The following ZNF236 variants were observed in gnomAD, a reference collection of about 807,000 sequenced individuals.
ZNF236 encodes the protein zinc finger protein 236.
A neutral mutation model predicts 191.2 loss-of-function variants in ZNF236; 50 were observed. The observed-to-expected ratio is 0.26, with a 90% confidence interval of 0.21 to 0.33. ZNF236 has a LOEUF of 0.33. ZNF236 is among the 10% of genes least tolerant of loss of function. The pLI is 1.00. For synonymous variants in ZNF236, 907 were observed against 928.8 expected, an observed-to-expected ratio of 0.98 and a Z score of 0.43; for missense variants, 1,754 against 2,374.5, an observed-to-expected ratio of 0.74 and a Z score of 5.43.
At position 76,960,792 on chromosome 18, in the gene ZNF236, G is replaced by A. The variant is rs528288012; in HGVS notation, c.5356G>A (p.Val1786Ile). The A allele has an allele frequency of 9.9e-6, 16 of 1,614,158 alleles. 1 individual carries two copies. The Middle Eastern group carries it at 5.0e-4, about 50-fold the overall frequency. Residue 1786 changes from valine to isoleucine, a missense_variant, in exon 30 of 31, where the codon GTC (valine) becomes ATC (isoleucine). Val to Ile is a conservative substitution (Grantham distance 29). Coordinates refer to ENST00000320610, the MANE Select transcript of ZNF236 (RefSeq NM_001306089.2). This position sits in a 1 kb window ranked among gnomAD's most constrained non-coding sequence, Gnocchi z 4.4. ...GERPYKCAYC[V>I]MGFTQKSNMK... ...GCGGCCCTACAAGTGTGCCTACTGC[G>A]TCATGGGCTTCACGCAGAAGAGCAA... is the stretch of plus-strand genomic sequence containing the variant.
Position 76,895,098 on chromosome 18 carries a change from C to T in ZNF236, c.1503C>T (p.Arg501=). The change falls in exon 10 of 31, where the codon CGC becomes CGT. Residue 501 remains arginine (R), a synonymous_variant. Coordinates refer to ENST00000320610, the MANE Select transcript of ZNF236 (RefSeq NM_001306089.2). ...KEFRKPSDLV[R]HIRIHTHEKP... is the part of the protein sequence containing the mutation. Reference sequence around the variant, plus strand: ...TCCGCAAGCCCAGCGACCTGGTCCGCCACATCCGCATCCACACCCACGAGA... The same window carrying T: ...TCCGCAAGCCCAGCGACCTGGTCCGTCACATCCGCATCCACACCCACGAGA... 6.2e-7 allele frequency: 1 copy of T among 1,611,964 alleles called. No individual in the cohort carries two copies. The highest frequency in any genetic ancestry group is 8.5e-7 in the Non-Finnish European group (1 of 1,180,018).
At chr18:76,856,843 T>C (rs962834272) in intron 3 of ZNF236, among the ~76,000 whole-genome samples, 2 of 152,240 alleles carry the variant, frequency 1.3e-5, no homozygotes, top group African/African-American at 2.4e-5. Context: ...AGTCTGTTCA[T>C]TTATGGATTC....
intron 30 of ZNF236, among the ~76,000 whole-genome samples, chr18:76,966,385 T>C (rs975591886): frequency 1.3e-5 from 2 of 152,120 alleles, no homozygotes; most frequent in Admixed American, 1.3e-4. Context: ...TTTGATTAGA[T>C]TAAATTTATA....
intron 10 of ZNF236, 147 bp from the exon 11 acceptor site, chr18:76,898,872 A>G: frequency 1.4e-6 from 1 of 698,400 alleles, no homozygotes; most frequent in Non-Finnish European, 2.4e-6. Context: ...AAGGGAAAAT[A>G]ATTTACAATA....
intron 3 of ZNF236, among the ~76,000 whole-genome samples, chr18:76,865,018 A>C (rs1408891201): frequency 6.6e-6 from 1 of 152,170 alleles, no homozygotes; most frequent in Admixed American, 6.5e-5. Flanking sequence ...ACCAATAATT[A>C]CTTTAAATGT....
At chr18:76,952,469 C>G (rs867773752) in intron 27 of ZNF236, among the ~76,000 whole-genome samples, 1 of 152,248 alleles carries the variant, frequency 6.6e-6, no homozygotes, top group Non-Finnish European at 1.5e-5. Context: ...GGGTCTGCCT[C>G]TGGCCTGTGC....
chr18:76,909,451 A>G (rs1011119918), intron 14 of ZNF236, among the ~76,000 whole-genome samples: 3 of 152,134 alleles, frequency 2.0e-5, no homozygotes, highest in Non-Finnish European at 4.4e-5. Context: ...TATAAAGTAC[A>G]CTCAGTGTAG....
In ZNF236 at chr18:76,935,955, G is replaced by C; in HGVS notation, c.4595-1201G>C. ...CTTCAGCGCTCGAGCCTCCCAGCCT[G>C]CTAATGGTTCTACTGCTTTTGAAGG... On this transcript the variant is annotated intron_variant, in intron 25 of 30. Coordinates refer to ENST00000320610, the MANE Select transcript of ZNF236 (RefSeq NM_001306089.2). 4.4e-6 allele frequency: 2 copies of C among 456,740 alleles called. 1 individual carries two copies. Among genetic ancestry groups the C allele is most frequent in the South Asian group, 3.1e-5 (2 of 64,558 alleles). The allele number at this position is 456,740 out of a possible 1,614,324, so 28.3% of individuals were successfully genotyped here. A position where few individuals can be genotyped will look rare whatever the true frequency, so the allele number is the denominator to read the frequency against.
chr18:76,953,023 C>T (rs1400772694), intron 27 of ZNF236, among the ~76,000 whole-genome samples: 1 of 152,200 alleles, frequency 6.6e-6, no homozygotes, highest in African/African-American at 2.4e-5. Context: ...CCTAGAGCAA[C>T]AGCCTTTGCT....
rs774013528 is a variant in ZNF236 at position 76,849,477 on chromosome 18, A to T, written c.56-49A>T. The stretch of plus-strand genomic sequence containing the variant: ...CCAATAATTTGGTTTTATTTATGTG[A>T]TGAGAATAACAACTGGTATTTATTG... On this transcript the variant is annotated intron_variant, in intron 1 of 30. Transcript: ENST00000320610. The T allele has an allele frequency of 1.2e-5, 17 of 1,446,376 alleles. No individual in the cohort carries two copies. The East Asian group carries it at 1.6e-4, about 13-fold the overall frequency. 89.6% of individuals were successfully genotyped at this position (1,446,376 alleles called of 1,614,324 possible).
chr18:76,878,620 C>T (rs889859132), intron 7 of ZNF236, among the ~76,000 whole-genome samples: 5 of 86,360 alleles, frequency 5.8e-5, no homozygotes, highest in African/African-American at 1.1e-4. Context: ...CACAGGTGCG[C>T]ACACACACAC....
At chr18:76,928,721 G>A (rs1323432139) in intron 25 of ZNF236, among the ~76,000 whole-genome samples, 1 of 151,922 alleles carries the variant, frequency 6.6e-6, no homozygotes, top group Non-Finnish European at 1.5e-5. Flanking sequence ...TGGTCCTTAC[G>A]TATCATTAAT....
intron 9 of ZNF236, among the ~76,000 whole-genome samples, chr18:76,893,758 C>T (rs1977317226): frequency 6.6e-6 from 1 of 152,244 alleles, no homozygotes. Flanking sequence ...AGCTATCTGT[C>T]CGCCTTGGCC....
intron 4 of ZNF236, 43 bp downstream of exon 4, chr18:76,868,906 T>C: frequency 6.5e-7 from 1 of 1,527,086 alleles, no homozygotes; most frequent in Non-Finnish European, 8.8e-7. Flanking sequence ...CCATCTAATA[T>C]GTTAAAAGCT....
chr18:76,924,159 G>A (rs1018533605), intron 21 of ZNF236, among the ~76,000 whole-genome samples: 10 of 152,072 alleles, frequency 6.6e-5, no homozygotes, highest in African/African-American at 2.2e-4. Context: ...GTTTCATTAG[G>A]CTCCCTGTAT....
intron 1 of ZNF236, among the ~76,000 whole-genome samples, chr18:76,844,640 G>A (rs537779737): frequency 2.0e-5 from 3 of 152,292 alleles, no homozygotes; most frequent in South Asian, 2.1e-4. Context: ...GGATAACTGA[G>A]ATTTTAAATG....
intron 16 of ZNF236, among the ~76,000 whole-genome samples, chr18:76,911,224 T>C (rs1967209666): frequency 6.6e-6 from 1 of 152,250 alleles, no homozygotes. Flanking sequence ...TTTAAAATTT[T>C]ATCTCTTACT....
Position 76,927,623 on chromosome 18 carries a change from G to C in ZNF236, c.4414+106G>C. 7.2e-7 allele frequency: 1 copy of C among 1,387,574 alleles called. No homozygotes were observed. The highest frequency in any genetic ancestry group is 9.6e-7 in the Non-Finnish European group (1 of 1,036,334). The allele number at this position is 1,387,574 out of a possible 1,614,324, so 86.0% of individuals were successfully genotyped here. ...GTTATGATGTCATTTTCTTCTCTTTGTAGAAGAGAATAAATCAAATGTCCT... is the reference window on the plus strand; with the variant it reads ...GTTATGATGTCATTTTCTTCTCTTTCTAGAAGAGAATAAATCAAATGTCCT... On this transcript the variant is annotated intron_variant, in intron 24 of 30. Coordinates refer to ENST00000320610, the MANE Select transcript of ZNF236 (RefSeq NM_001306089.2). This position sits in a 1 kb window ranked among gnomAD's most constrained non-coding sequence, Gnocchi z 5.4.
intron 3 of ZNF236, among the ~76,000 whole-genome samples, chr18:76,864,268 C>T (rs866521283): frequency 4.0e-4 from 59 of 148,076 alleles, no homozygotes; most frequent in Middle Eastern, 3.5e-3. Flanking sequence ...GGCACTGTGT[C>T]GGCTCACTGC....
Sources: gnomAD v4.1 joint callset for allele counts (sites outside exome capture counted in the v4.1 genomes callset) on GRCh38, gnomAD v4.1.1 for gene constraint, Gnocchi (gnomAD v3.1) non-coding constraint, MANE v1.5 for transcripts, NCBI Gene and HGNC (gene_info 2026-07-23, HGNC 2026-07-21) for gene names.